Variants in RYR1 observed in about 807,000 individuals in gnomAD.
RYR1 encodes central core disease of muscle.
RYR1 carries 342 observed loss-of-function variants against 583.5 expected under a neutral mutation model. The ratio of observed to expected loss-of-function variants is 0.59; its 90% CI spans 0.54 to 0.64. The LOEUF (loss-of-function observed/expected upper bound fraction) is 0.64. Among genes scored for constraint, RYR1 ranks in the 30% least tolerant of loss-of-function variants. The probability of loss-of-function intolerance (pLI) is 0.00; values close to 1 mark genes in which losing one functional copy is unlikely to be tolerated. For missense variants in RYR1, 6,032 were observed against 6,917.2 expected, an observed-to-expected ratio of 0.87 and a Z score of 4.54; for synonymous variants, 2,791 against 2,822.5, an observed-to-expected ratio of 0.99 and a Z score of 0.35.
Position 38,512,187 on chromosome 19 carries a change from C to T in RYR1, c.9233+55C>T, listed in dbSNP as rs1263697305. On this transcript the variant is annotated intron_variant, in intron 62 of 105. Coordinates refer to ENST00000359596, the MANE Select transcript of RYR1 (RefSeq NM_000540.3). This position sits in a 1 kb window ranked among gnomAD's most constrained non-coding sequence, Gnocchi z 5.1. ...CACCATCATCGGGCCCCCACCCCAA[C>T]CCCTGGTCTCCTAGACTCTCCGATT... is the stretch of plus-strand genomic sequence containing the variant. The T allele has an allele frequency of 1.9e-6, 3 of 1,613,830 alleles. No individual in the cohort carries two copies. Among genetic ancestry groups the T allele is most frequent in the East Asian group, 2.2e-5 (1 of 44,902 alleles).
At chr19:38,438,035 CT>C (rs1260350617) in intron 1 of RYR1, among the ~76,000 whole-genome samples, 5 of 151,504 alleles carry the variant, frequency 3.3e-5, no homozygotes, top group Non-Finnish European at 4.4e-5. Flanking sequence ...GCAAGTATCT[CT>C]CTGACCTCAT....
At chr19:38,452,713 G>C in intron 12 of RYR1, 106 bp from the exon 13 acceptor site, 1 of 1,029,710 alleles carries the variant, frequency 9.7e-7, no homozygotes, top group Non-Finnish European at 1.4e-6. Flanking sequence ...CTCCCTCTCT[G>C]TAAAACGGGT....
chr19:38,503,764 C>G (rs1362737453), intron 49 of RYR1, among the ~76,000 whole-genome samples: 1 of 148,272 alleles, frequency 6.7e-6, no homozygotes, highest in Non-Finnish European at 1.5e-5. Context: ...GAGAGTGAGA[C>G]TCCACCTCAA....
chr19:38,520,845 G>A (rs532155256), intron 67 of RYR1, among the ~76,000 whole-genome samples: 1 of 152,158 alleles, frequency 6.6e-6, no homozygotes, highest in South Asian at 2.1e-4. Context: ...AAGACTCCAC[G>A]GCAGTGGGAG....
intron 23 of RYR1, among the ~76,000 whole-genome samples, chr19:38,465,592 C>T (rs944190165): frequency 6.6e-6 from 1 of 152,174 alleles, no homozygotes; most frequent in African/African-American, 2.4e-5. Flanking sequence ...CGGTGAAACC[C>T]ACCCTCTACC....
chr19:38,468,207 TCATC>T (rs561219158), intron 25 of RYR1, among the ~76,000 whole-genome samples: 46 of 148,934 alleles, frequency 3.1e-4, no homozygotes, highest in African/African-American at 7.4e-4. Flanking sequence ...TATAGTCCCA[TCATC>T]CATCCATCCA....
In RYR1 at chr19:38,587,493, C is replaced by A. The variant is rs1234516883; in HGVS notation, c.*73C>A. ...ACAGCAAGCCCCTTAGTCCCCAAGC[C>A]CCTCCCCCTAAGGCAGCTGGGGGAG... On this transcript the variant is annotated 3_prime_UTR_variant, in exon 106 of 106. Transcript: ENST00000359596. The A allele has an allele frequency of 2.8e-6, 3 of 1,088,588 alleles. No homozygotes were observed. The highest frequency in any genetic ancestry group is 1.8e-5 in the Admixed American group (1 of 56,206). The allele number at this position is 1,088,588 out of a possible 1,614,324, so 67.4% of individuals were successfully genotyped here.
In RYR1 at chr19:38,528,969, G is replaced by C. The variant is rs745315302; in HGVS notation, c.11053G>C (p.Glu3685Gln). The change falls in exon 76 of 106, where the codon GAG (glutamate) becomes CAG (glutamine). Residue 3685 changes from glutamate (E) to glutamine (Q), a missense_variant. Around this residue, in one of 11 missense-constraint regions of RYR1, gnomAD observed 1,493 missense variants for 1,715.5 expected, o/e 0.87. Transcript: ENST00000359596. ...DDLSKAGEQE[E>Q]EEEEVEEKKP... ...CCACCAGAAAGCTGGGGAGCAGGAG[G>C]AGGAGGAGGAAGAGGTGGAAGAGAA... is the stretch of plus-strand genomic sequence containing the variant. 27 of 1,610,798 alleles carry C rather than the reference G, an allele frequency of 1.7e-5. No individual in the cohort carries two copies. The highest frequency in any genetic ancestry group is 2.3e-5 in the Non-Finnish European group (27 of 1,178,446).
At position 38,552,089 on chromosome 19, in the gene RYR1, A is replaced by G. The variant is rs567203107; in HGVS notation, c.12282+3669A>G. On this transcript the variant is annotated intron_variant, in intron 89 of 105. Coordinates refer to ENST00000359596, the MANE Select transcript of RYR1 (RefSeq NM_000540.3). ...TAGCCTCCCAAGTAACTGGGACTCC[A>G]GGTGTGTGCCACCACACCCGGCTAC... is the stretch of plus-strand genomic sequence containing the variant. Among the ~76,000 whole-genome samples the G allele has an allele frequency of 2.6e-3, 390 of 152,170 alleles. 2 individuals carry two copies. Among genetic ancestry groups the G allele is most frequent in the African/African-American group, 9.0e-3 (373 of 41,514 alleles).
intron 1 of RYR1, among the ~76,000 whole-genome samples, chr19:38,435,825 T>TA (rs1466196518): frequency 2.7e-5 from 4 of 146,494 alleles, no homozygotes; most frequent in African/African-American, 9.7e-5. Flanking sequence ...TAGACATGAC[T>TA]AAAAACCAAC....
At chr19:38,558,317 TTAATAA>T (rs1972968823) in intron 89 of RYR1, among the ~76,000 whole-genome samples, 1 of 151,904 alleles carries the variant, frequency 6.6e-6, no homozygotes, top group African/African-American at 2.4e-5. Context: ...TCTCAAAAAA[TTAATAA>T]TAAAGTAAAA....
In RYR1 at chr19:38,510,534, C is replaced by T. The variant is rs768538971; in HGVS notation, c.8969C>T (p.Pro2990Leu). 3 of 1,614,164 alleles carry T rather than the reference C, an allele frequency of 1.9e-6. No homozygotes were observed. Among genetic ancestry groups the T allele is most frequent in the South Asian group, 1.1e-5 (1 of 91,086 alleles). ...VVSSGRVEKS[P>L]HEQEIKFFAK... ...AGCAGTGGGCGAGTGGAAAAGTCCC[C>T]ACATGAACAGGAGATTAAATTCTTT... Residue 2990 changes from proline to leucine, a missense_variant, in exon 59 of 106, where the codon CCA (proline) becomes CTA (leucine). Pro to Leu is a moderately conservative substitution (Grantham distance 98). Around this residue, in one of 11 missense-constraint regions of RYR1, gnomAD observed 1,493 missense variants for 1,715.5 expected, o/e 0.87. Transcript: ENST00000359596.
intron 35 of RYR1, 81 bp from the exon 36 acceptor site, chr19:38,489,995 G>C (rs1232482792): frequency 7.0e-7 from 1 of 1,434,632 alleles, no homozygotes; most frequent in East Asian, 2.3e-5. Flanking sequence ...CATGGAGAGG[G>C]GAGAGGAAGC....
At chr19:38,535,871 G>T in intron 81 of RYR1, 126 bp from the exon 82 acceptor site, 1 of 832,116 alleles carries the variant, frequency 1.2e-6, no homozygotes, top group South Asian at 1.4e-5. Flanking sequence ...GCTTCCTCTT[G>T]ATTTCAGCGC....
chr19:38,507,650 G>T, intron 57 of RYR1, 62 bp from the exon 58 acceptor site: 2 of 1,076,446 alleles, frequency 1.9e-6, no homozygotes, highest in South Asian at 2.5e-5. Flanking sequence ...GCGGACCTGA[G>T]AAGGGTGGGA....
chr19:38,463,635 C>T, intron 21 of RYR1, 108 bp downstream of exon 21: 6 of 1,451,052 alleles, frequency 4.1e-6, no homozygotes, highest in East Asian at 2.3e-5. Flanking sequence ...ACCAGGGGGT[C>T]CTTGGACTGA....
chr19:38,511,910 T>C (rs1183133663), intron 61 of RYR1, among the ~76,000 whole-genome samples, 162 bp from the exon 62 acceptor site: 8 of 151,642 alleles, frequency 5.3e-5, no homozygotes. Flanking sequence ...AGGAGGGACA[T>C]TTGGAGGCGC....
chr19:38,504,644 G>A (rs1970356205), intron 50 of RYR1, 104 bp from the exon 51 acceptor site: 10 of 1,473,880 alleles, frequency 6.8e-6, no homozygotes, highest in African/African-American at 1.4e-5. Context: ...TCAGGTTTGG[G>A]GTTCAGGGAG....
chr19:38,560,902 T>G (rs1249597398), intron 89 of RYR1, among the ~76,000 whole-genome samples: 1 of 151,012 alleles, frequency 6.6e-6, no homozygotes, highest in Non-Finnish European at 1.5e-5. Flanking sequence ...GGTGTGTGCC[T>G]GTAGTCCCAG....
Sources: allele counts gnomAD v4.1 joint callset (sites outside exome capture counted in the v4.1 genomes callset), GRCh38; gene constraint gnomAD v4.1.1; regional missense constraint gnomAD v4.1.1; non-coding constraint Gnocchi (gnomAD v3.1); transcripts MANE v1.5; gene names NCBI Gene and HGNC (gene_info 2026-07-23, HGNC 2026-07-21).